The following CD200R1 variants were observed in gnomAD, a reference collection of about 807,000 sequenced individuals.
The protein encoded by CD200R1 is cell surface glycoprotein CD200 receptor 1.
CD200R1 carries 30 observed loss-of-function variants against 38.1 expected under a neutral mutation model. That is an observed-to-expected ratio of 0.79 (90% confidence interval 0.59 to 1.07). The LOEUF is 1.07. CD200R1 is among the 50% of genes least tolerant of loss of function. The pLI, the probability that CD200R1 is intolerant of heterozygous loss-of-function variation, is 0.00. For synonymous variants in CD200R1, 128 were observed against 152.1 expected (o/e 0.84, Z 1.16); for missense variants, 372 against 415.4 (o/e 0.90, Z 0.91).
At chr3:112,935,614 C>G (rs141561242) in intron 2 of CD200R1, among the ~76,000 whole-genome samples, 3,260 of 152,056 alleles carry the variant, frequency 0.021, 40 homozygotes, top group South Asian at 0.048. Context: ...AGCAATAAAT[C>G]CCTACATCAA....
chr3:112,923,622 A>G lies in CD200R1; in HGVS notation c.*55T>C. 2.3e-6 allele frequency: 2 copies of G among 879,084 alleles called. No individual in the cohort carries two copies. The highest frequency in any genetic ancestry group is 3.2e-5 in the South Asian group (2 of 63,152). The allele number at this position is 879,084 out of a possible 1,614,324, so 54.5% of individuals were successfully genotyped here. A position where few individuals can be genotyped will look rare whatever the true frequency, so the allele number is the denominator to read the frequency against. The stretch of plus-strand genomic sequence containing the variant: ...TTCTAGAACTGTAAGAAAATCAGAC[A>G]GTAATTATAATGTATCTCGTTTGTT... On this transcript the variant is annotated 3_prime_UTR_variant, in exon 8 of 8. Transcript: ENST00000308611.
In CD200R1 at chr3:112,960,191, C is replaced by T. The variant is rs951360802; in HGVS notation, c.68-12267G>A. 3.3e-5 allele frequency among the ~76,000 whole-genome samples: 5 copies of T among 152,116 alleles called. No individual in the cohort carries two copies. The South Asian group carries it at 8.3e-4, about 25-fold the overall frequency. On this transcript the variant is annotated intron_variant, in intron 1 of 7. Transcript: ENST00000308611. ...TACACTAAGCATATGGCTTTTTCCT[C>T]ATCACCAGTATGGTAAAGTCAATAG...
intron 2 of CD200R1, among the ~76,000 whole-genome samples, chr3:112,942,910 T>A (rs1293274696): frequency 6.6e-6 from 1 of 151,540 alleles, no homozygotes; most frequent in Non-Finnish European, 1.5e-5. Flanking sequence ...AATATATGAG[T>A]CAATTCTCCA....
intron 1 of CD200R1, among the ~76,000 whole-genome samples, chr3:112,962,695 A>G (rs1358378120): frequency 1.3e-5 from 2 of 152,350 alleles, no homozygotes; most frequent in Middle Eastern, 3.4e-3. Context: ...AAAAAAAATT[A>G]CATGTATCAG....
At position 112,975,074 on chromosome 3, in the gene CD200R1, G is replaced by A; in HGVS notation, c.-217C>T. ...TTGGACGAACAGAAGCTTTTCTCTGGAACTTGACACAGCAATAGATTTCCT... is the reference window on the plus strand; with the variant it reads ...TTGGACGAACAGAAGCTTTTCTCTGAAACTTGACACAGCAATAGATTTCCT... On this transcript the variant is annotated 5_prime_UTR_variant, in exon 1 of 8. Coordinates refer to ENST00000308611, the MANE Select transcript of CD200R1 (RefSeq NM_138806.4). The A allele has an allele frequency of 3.6e-6, 2 of 552,568 alleles. No individual in the cohort carries two copies. Among genetic ancestry groups the A allele is most frequent in the Non-Finnish European group, 6.5e-6 (2 of 308,352 alleles). 34.2% of individuals were successfully genotyped at this position (552,568 alleles called of 1,614,324 possible).
chr3:112,965,532 G>A (rs1933136232), intron 1 of CD200R1, among the ~76,000 whole-genome samples: 2 of 152,140 alleles, frequency 1.3e-5, no homozygotes, highest in African/African-American at 4.8e-5. Context: ...GGATGCCGAG[G>A]CAGGTGGATC....
intron 3 of CD200R1, 114 bp downstream of exon 3, chr3:112,930,992 C>G (rs1172525806): frequency 1.4e-6 from 1 of 727,498 alleles, no homozygotes; most frequent in Non-Finnish European, 2.4e-6. Flanking sequence ...CTCAGATCAC[C>G]AAGTTCTTCA....
chr3:112,923,384 C>T lies in CD200R1; in HGVS notation c.*293G>A. 5.1e-6 allele frequency: 1 copy of T among 197,692 alleles called. No homozygotes were observed. The highest frequency in any genetic ancestry group is 1.0e-5 in the Non-Finnish European group (1 of 98,396). The allele number at this position is 197,692 out of a possible 1,614,324, so 12.2% of individuals were successfully genotyped here. A position where few individuals can be genotyped will look rare whatever the true frequency, so the allele number is the denominator to read the frequency against. Reference sequence around the variant, plus strand: ...ACACTTGCTCCTTCTTCAGTTATTTCTTGAGGAAATTTGGTTTTCATTATT... The same window carrying T: ...ACACTTGCTCCTTCTTCAGTTATTTTTTGAGGAAATTTGGTTTTCATTATT... On this transcript the variant is annotated 3_prime_UTR_variant, in exon 8 of 8. Coordinates refer to ENST00000308611, the MANE Select transcript of CD200R1 (RefSeq NM_138806.4).
At chr3:112,962,685 A>T (rs79965031) in intron 1 of CD200R1, among the ~76,000 whole-genome samples, 6,821 of 152,192 alleles carry the variant, frequency 0.045, 205 homozygotes, top group South Asian at 0.1. Flanking sequence ...CTAACTTTTT[A>T]AAAAAAATTA....
intron 1 of CD200R1, among the ~76,000 whole-genome samples, chr3:112,957,256 G>A (rs1941120749): frequency 1.3e-5 from 2 of 152,138 alleles, no homozygotes; most frequent in African/African-American, 4.8e-5. Context: ...CTCTTGTTAA[G>A]GTATTTTCAT....
chr3:112,940,232 G>A (rs935534419), intron 2 of CD200R1, among the ~76,000 whole-genome samples: 1 of 151,730 alleles, frequency 6.6e-6, no homozygotes, highest in Admixed American at 6.6e-5. Context: ...AGAAAACACC[G>A]ATGAAATACT....
rs1293113117 is a variant in CD200R1, at chr3:112,923,650, T to C, written c.*27A>G. 1 of 1,089,490 alleles carries C rather than the reference T, an allele frequency of 9.2e-7. No individual in the cohort carries two copies. The highest frequency in any genetic ancestry group is 2.4e-5 in the East Asian group (1 of 41,050). 67.5% of individuals were successfully genotyped at this position (1,089,490 alleles called of 1,614,324 possible). On this transcript the variant is annotated 3_prime_UTR_variant, in exon 8 of 8. Coordinates refer to ENST00000308611, the MANE Select transcript of CD200R1 (RefSeq NM_138806.4). ...AATTATAATGTATCTCGTTTGTTGT[T>C]GTTTCTTGGTACTAGAGTCCAACAA... is the stretch of plus-strand genomic sequence containing the variant.
intron 5 of CD200R1, among the ~76,000 whole-genome samples, chr3:112,926,453 C>G (rs895210071): frequency 6.6e-6 from 1 of 152,138 alleles, no homozygotes; most frequent in Non-Finnish European, 1.5e-5. Flanking sequence ...CTACTAAGCT[C>G]TCTCTCATTA....
intron 1 of CD200R1, among the ~76,000 whole-genome samples, chr3:112,950,618 T>C (rs1415578752): frequency 1.3e-5 from 2 of 152,178 alleles, no homozygotes; most frequent in East Asian, 3.8e-4. Context: ...ATCTGCAGAA[T>C]ACATTCTTTG....
chr3:112,926,495 G>A (rs1388105836), intron 5 of CD200R1, among the ~76,000 whole-genome samples: 8 of 152,106 alleles, frequency 5.3e-5, no homozygotes, highest in African/African-American at 1.2e-4. Context: ...AAGATCCACC[G>A]TGCAAGGAAG....
Position 112,925,151 on chromosome 3 carries a change from A to T in CD200R1, c.812T>A (p.Ile271Asn), listed in dbSNP as rs1177433378. The T allele has an allele frequency of 6.2e-7, 1 of 1,606,226 alleles. No individual in the cohort carries two copies. ...GGTCAAAATAATAATAGTAAGGATG[A>T]TATATGGAATATATAATTTTGCTGA... Reference protein sequence around the residue: ...KKSAKLYIPYIILTIIILTIV... With the variant: ...KKSAKLYIPYNILTIIILTIV... The change falls in exon 6 of 8, where the codon ATC becomes AAC. Residue 271 changes from isoleucine (I) to asparagine (N), a missense_variant. Ile to Asn is a moderately radical substitution (Grantham distance 149). Coordinates refer to ENST00000308611, the MANE Select transcript of CD200R1 (RefSeq NM_138806.4).
At chr3:112,968,676 C>T (rs183399165) in intron 1 of CD200R1, among the ~76,000 whole-genome samples, 9 of 152,340 alleles carry the variant, frequency 5.9e-5, no homozygotes, top group Admixed American at 2.6e-4. Flanking sequence ...GGCAACTTTA[C>T]TCTCTGAAAA....
In CD200R1 at chr3:112,929,190, C is replaced by T; in HGVS notation, c.520G>A (p.Val174Ile). Reference protein sequence around the residue: ...FHRGYHLQVLVTPEVTLFQNR... With the variant: ...FHRGYHLQVLITPEVTLFQNR... ...TACCTCAATATATGATGCTCCTTAC[C>T]TAACACTTGGAGGTGATATCCACGA... The change falls in exon 4 of 8, where the codon GTT becomes ATT. Residue 174 changes from valine to isoleucine, a missense_variant and splice_region_variant. Transcript: ENST00000308611. 6.2e-7 allele frequency: 1 copy of T among 1,614,150 alleles called. No homozygotes were observed. The highest frequency in any genetic ancestry group is 8.5e-7 in the Non-Finnish European group (1 of 1,179,996).
At chr3:112,945,638 T>A (rs146033672) in intron 2 of CD200R1, among the ~76,000 whole-genome samples, 141 of 152,260 alleles carry the variant, frequency 9.3e-4, no homozygotes, top group Middle Eastern at 3.4e-3. Context: ...CCAAATGATC[T>A]TTGGTTTGGC....
Sources: allele counts gnomAD v4.1 joint callset (sites outside exome capture counted in the v4.1 genomes callset), GRCh38; gene constraint gnomAD v4.1.1; transcripts MANE v1.5; gene names NCBI Gene and HGNC (gene_info 2026-07-23, HGNC 2026-07-21).